FHIT: variants seen among roughly 807,000 people sequenced by gnomAD.
FHIT encodes bis(5'-adenosyl)-triphosphatase.
FHIT carries 19 observed loss-of-function variants against 17.9 expected under a neutral mutation model. That is an observed-to-expected ratio of 1.06 (90% CI 0.74 to 1.56). The LOEUF is 1.56. FHIT is among the 40% of genes most tolerant of loss of function. FHIT has a pLI of 0.00. For missense variants in FHIT, 248 were observed against 189.2 expected (o/e 1.31, Z -1.82); for synonymous variants, 81 against 69.7 (o/e 1.16, Z -0.81).
At chr3:61,068,944 A>C (rs1361448186) in intron 2 of FHIT, among the ~76,000 whole-genome samples, 2 of 152,200 alleles carry the variant, frequency 1.3e-5, no homozygotes, top group Non-Finnish European at 2.9e-5. Context: ...TCACTCCCTG[A>C]CTAGATTAAT....
At chr3:60,707,689 T>C (rs1217942969) in intron 4 of FHIT, among the ~76,000 whole-genome samples, 3 of 152,184 alleles carry the variant, frequency 2.0e-5, no homozygotes, top group Admixed American at 6.5e-5. Context: ...GCCTCCTTAA[T>C]ATAAGAATAA....
chr3:60,680,904 T>C (rs2040731481), intron 4 of FHIT, among the ~76,000 whole-genome samples: 1 of 152,298 alleles, frequency 6.6e-6, no homozygotes. Flanking sequence ...TGAAGACAAT[T>C]GTAGAGAAGA....
intron 2 of FHIT, among the ~76,000 whole-genome samples, chr3:61,092,776 G>A (rs1253286062): frequency 6.6e-6 from 1 of 151,966 alleles, no homozygotes; most frequent in South Asian, 2.1e-4. Flanking sequence ...ATTTTGTTTT[G>A]GTAATTTTTT....
intron 4 of FHIT, among the ~76,000 whole-genome samples, chr3:60,610,995 T>C (rs568278138): frequency 2.6e-5 from 4 of 152,254 alleles, no homozygotes; most frequent in African/African-American, 7.2e-5. Flanking sequence ...ATAGGAGTCA[T>C]CACAGCTACT....
Position 60,660,286 on chromosome 3 carries a change from T to C in FHIT, c.-17-123307A>G, listed in dbSNP as rs72872781. Reference sequence around the variant, plus strand: ...GCACCTTTGTAATCAGAAGCAACAATTAGCTATCAGAGAACAGATTCCTGA... The same window carrying C: ...GCACCTTTGTAATCAGAAGCAACAACTAGCTATCAGAGAACAGATTCCTGA... On this transcript the variant is annotated intron_variant, in intron 4 of 9. Coordinates refer to ENST00000492590, the MANE Select transcript of FHIT (RefSeq NM_002012.4). Among the ~76,000 whole-genome samples the C allele has an allele frequency of 9.4e-3, 1,433 of 152,206 alleles. 28 individuals are homozygous for C. The highest frequency in any genetic ancestry group is 0.033 in the African/African-American group (1,376 of 41,512).
intron 5 of FHIT, among the ~76,000 whole-genome samples, chr3:60,367,104 G>A (rs144781796): frequency 6.6e-6 from 1 of 152,166 alleles, no homozygotes; most frequent in Non-Finnish European, 1.5e-5. Context: ...TCTATAAAAT[G>A]AGCTCAACCT....
intron 4 of FHIT, among the ~76,000 whole-genome samples, chr3:60,578,467 A>ACAC (rs1553658444): frequency 1.3e-4 from 20 of 151,656 alleles, no homozygotes; most frequent in Non-Finnish European, 1.5e-5. Flanking sequence ...ACACACACAC[A>ACAC]CACACACACG....
chr3:60,631,722 C>T (rs1452444145), intron 4 of FHIT, among the ~76,000 whole-genome samples: 1 of 152,176 alleles, frequency 6.6e-6, no homozygotes, highest in Admixed American at 6.5e-5. Context: ...CATATGCTAC[C>T]ATGTGCGTGT....
rs193075521 is a variant in FHIT at position 59,962,891 on chromosome 3, T to C, written c.280-40477A>G. ...TTCTAGCATATATACACTAAGCAAA[T>C]AGTTTGCACTTTGCATAGGATTCAG... On this transcript the variant is annotated intron_variant, in intron 7 of 9. Transcript: ENST00000492590. 2.6e-3 allele frequency among the ~76,000 whole-genome samples: 391 copies of C among 152,240 alleles called. 1 individual carries two copies. The highest frequency in any genetic ancestry group is 9.1e-3 in the African/African-American group (378 of 41,536).
chr3:60,466,016 G>C lies in FHIT; in HGVS notation c.103+70844C>G, dbSNP rs150024895. On this transcript the variant is annotated intron_variant, in intron 5 of 9. Transcript: ENST00000492590. ...AACAGTATTGATTCTTCCAAACCAT[G>C]AACATGGAATATCTTTCCATTTATC... Among the ~76,000 whole-genome samples, 9 of 152,178 alleles carry C rather than the reference G, an allele frequency of 5.9e-5. No homozygotes were observed. The East Asian group carries it at 1.7e-3, about 29-fold the overall frequency.
chr3:61,093,309 G>C (rs2035542838), intron 2 of FHIT, among the ~76,000 whole-genome samples: 1 of 152,170 alleles, frequency 6.6e-6, no homozygotes, highest in Non-Finnish European at 1.5e-5. Context: ...TCTCAACAGG[G>C]AGTGATTTTT....
chr3:61,076,379 G>C (rs957098635), intron 2 of FHIT, among the ~76,000 whole-genome samples: 1 of 152,046 alleles, frequency 6.6e-6, no homozygotes, highest in African/African-American at 2.4e-5. Flanking sequence ...TATAAGGGCT[G>C]GTAAAAGAAC....
chr3:61,036,495 C>G (rs2033247452), intron 3 of FHIT, among the ~76,000 whole-genome samples: 2 of 152,114 alleles, frequency 1.3e-5, no homozygotes, highest in South Asian at 4.1e-4. Context: ...AGGGGCTGAA[C>G]AATAATTTGA....
chr3:60,872,135 T>C (rs1325598739), intron 3 of FHIT, among the ~76,000 whole-genome samples: 1 of 152,128 alleles, frequency 6.6e-6, no homozygotes, highest in Non-Finnish European at 1.5e-5. Context: ...GGTGACACAC[T>C]CCTGAATGGG....
At chr3:60,358,025 C>G (rs1158836202) in intron 5 of FHIT, among the ~76,000 whole-genome samples, 1 of 152,164 alleles carries the variant, frequency 6.6e-6, no homozygotes, top group African/African-American at 2.4e-5. Flanking sequence ...CCTCTGGAAT[C>G]AAAACTCAGG....
intron 8 of FHIT, among the ~76,000 whole-genome samples, chr3:59,862,328 C>T (rs1343840323): frequency 1.3e-5 from 2 of 152,178 alleles, no homozygotes; most frequent in African/African-American, 2.4e-5. Context: ...ACGGGAAAAA[C>T]CCGCTCCCAT....
chr3:60,668,371 GAA>G (rs60941309), intron 4 of FHIT, among the ~76,000 whole-genome samples: 4 of 68,016 alleles, frequency 5.9e-5, no homozygotes, highest in South Asian at 5.9e-4. Flanking sequence ...GCTCAATCAG[GAA>G]AAAAAAAAAA....
intron 5 of FHIT, among the ~76,000 whole-genome samples, chr3:60,300,038 G>A (rs1708384753): frequency 6.6e-6 from 1 of 152,018 alleles, no homozygotes; most frequent in Non-Finnish European, 1.5e-5. Flanking sequence ...TTTAGTTCCA[G>A]GGCTGGGATA....
chr3:60,914,922 C>A (rs782179914), intron 3 of FHIT, among the ~76,000 whole-genome samples: 1 of 152,138 alleles, frequency 6.6e-6, no homozygotes, highest in Non-Finnish European at 1.5e-5. Context: ...GTAAATTTCA[C>A]TCTCCCTTAG....
Sources: gnomAD v4.1 joint callset for allele counts (sites outside exome capture counted in the v4.1 genomes callset) on GRCh38, gnomAD v4.1.1 for gene constraint, MANE v1.5 for transcripts, NCBI Gene and HGNC (gene_info 2026-07-23, HGNC 2026-07-21) for gene names.